The following SCHIP1 variants were observed in gnomAD, a reference collection of about 807,000 sequenced individuals.
SCHIP1 encodes the protein schwannomin-interacting protein 1.
A neutral mutation model predicts 29.7 loss-of-function variants in SCHIP1; 8 were observed. The ratio of observed to expected loss-of-function variants is 0.27; its 90% CI spans 0.16 to 0.49. The LOEUF (loss-of-function observed/expected upper bound fraction) is 0.49, where lower values mean the gene tolerates loss of function less well. Ranked by LOEUF, SCHIP1 falls within the 20% of genes least tolerant of loss-of-function variation. The pLI, the probability that SCHIP1 is intolerant of heterozygous loss-of-function variation, is 0.99. For missense variants in SCHIP1, 193 were observed against 294.6 expected (o/e 0.66, Z 2.52); for synonymous variants, 76 against 94.9 (o/e 0.80, Z 1.16).
chr3:159,547,444 T>A, the SCHIP1 span, among the ~76,000 whole-genome samples: 1 of 152,232 alleles, frequency 6.6e-6, no homozygotes, highest in East Asian at 1.9e-4. Flanking sequence ...CTATTTTGGC[T>A]TTTGTTGTAC....
At chr3:159,837,982 C>A (rs749782259), upstream of SCHIP1, among the ~76,000 whole-genome samples, 171 of 152,304 alleles carry the variant, frequency 1.1e-3, no homozygotes, top group Non-Finnish European at 2.0e-3. Context: ...TGACCCACCC[C>A]TCTCCTGGAC....
chr3:159,757,478 T>C, the SCHIP1 span, among the ~76,000 whole-genome samples: 10 of 152,178 alleles, frequency 6.6e-5, no homozygotes, highest in Non-Finnish European at 1.5e-4. Context: ...AAGATGAGAC[T>C]TGGGTGGGGA....
the SCHIP1 span, among the ~76,000 whole-genome samples, chr3:159,437,439 C>T: frequency 4.6e-5 from 7 of 152,060 alleles, no homozygotes; most frequent in Admixed American, 2.6e-4. Context: ...CCTACGGCTG[C>T]CTCAGGACAT....
chr3:159,667,899 C>T, the SCHIP1 span, among the ~76,000 whole-genome samples: 1 of 152,128 alleles, frequency 6.6e-6, no homozygotes, highest in Non-Finnish European at 1.5e-5. Context: ...CATTATCATA[C>T]CCATTCTATT....
chr3:159,430,838 C>T, the SCHIP1 span, among the ~76,000 whole-genome samples: 1 of 152,012 alleles, frequency 6.6e-6, no homozygotes, highest in Non-Finnish European at 1.5e-5. Context: ...GGCCCACATG[C>T]CCGTCCCCCA....
chr3:159,457,152 T>C, the SCHIP1 span, among the ~76,000 whole-genome samples: 1 of 152,186 alleles, frequency 6.6e-6, no homozygotes, highest in African/African-American at 2.4e-5. Context: ...TGAGAAATTC[T>C]GGATGTGTTT....
At chr3:159,715,607 A>T in the SCHIP1 span, among the ~76,000 whole-genome samples, 1 of 152,242 alleles carries the variant, frequency 6.6e-6, no homozygotes, top group African/African-American at 2.4e-5. Flanking sequence ...TGATGCATGC[A>T]CAAGCTTCAG....
chr3:159,488,939 G>C, the SCHIP1 span, among the ~76,000 whole-genome samples: 2 of 152,190 alleles, frequency 1.3e-5, no homozygotes, highest in Admixed American at 1.3e-4. Flanking sequence ...TGTTGAATAA[G>C]AAGATAACTC....
the SCHIP1 span, among the ~76,000 whole-genome samples, chr3:159,516,590 T>C: frequency 6.6e-6 from 1 of 152,190 alleles, no homozygotes; most frequent in African/African-American, 2.4e-5. Context: ...GCTAGATGGA[T>C]TTCTTAAAAG....
chr3:159,846,767 C>G (rs1711897581), intron 1 of SCHIP1, among the ~76,000 whole-genome samples: 1 of 151,646 alleles, frequency 6.6e-6, no homozygotes, highest in Non-Finnish European at 1.5e-5. Context: ...CATTGTTTTG[C>G]CTGTTTAAAG....
the SCHIP1 span, among the ~76,000 whole-genome samples, chr3:159,783,211 C>G: frequency 6.6e-6 from 1 of 152,142 alleles, no homozygotes; most frequent in Non-Finnish European, 1.5e-5. Flanking sequence ...CAAACAAACA[C>G]CAAGGTTGGT....
the SCHIP1 span, among the ~76,000 whole-genome samples, chr3:159,579,484 G>T: frequency 6.6e-6 from 1 of 152,100 alleles, no homozygotes; most frequent in Non-Finnish European, 1.5e-5. Context: ...GAAGACATTC[G>T]TGAGAGCTGA....
the SCHIP1 span, among the ~76,000 whole-genome samples, chr3:159,482,684 C>G: frequency 1.3e-5 from 2 of 152,124 alleles, no homozygotes; most frequent in African/African-American, 4.8e-5. Flanking sequence ...GAGACATAAA[C>G]AGCCAAACAC....
chr3:159,428,203 A>C, the SCHIP1 span, among the ~76,000 whole-genome samples: 1 of 152,158 alleles, frequency 6.6e-6, no homozygotes, highest in African/African-American at 2.4e-5. Flanking sequence ...ATGGGATCTA[A>C]TTAAACTAAA....
chr3:159,719,356 T>G, the SCHIP1 span, among the ~76,000 whole-genome samples: 519 of 152,230 alleles, frequency 3.4e-3, 5 homozygotes, highest in African/African-American at 0.012. Flanking sequence ...CCAAAAGCAA[T>G]GGCAACAGTA....
exon 3 of SCHIP1, chr3:159,886,247 G>T: frequency 6.2e-7 from 1 of 1,614,154 alleles, no homozygotes; most frequent in South Asian, 1.1e-5. Flanking sequence ...CTTTGTCAAC[G>T]ACAGTGGCAG....
At chr3:159,401,190 A>C in the SCHIP1 span, 1 of 970,168 alleles carries the variant, frequency 1.0e-6, no homozygotes, top group Non-Finnish European at 1.2e-6. Context: ...AATATTACAC[A>C]AATAAATACA....
At chr3:159,651,989 G>C in the SCHIP1 span, among the ~76,000 whole-genome samples, 1 of 152,004 alleles carries the variant, frequency 6.6e-6, no homozygotes, top group Non-Finnish European at 1.5e-5. Flanking sequence ...CCTGCTATTG[G>C]GGAGGCTGAG....
chr3:159,395,474 T>C, the SCHIP1 span, among the ~76,000 whole-genome samples: 7 of 151,730 alleles, frequency 4.6e-5, no homozygotes, highest in Non-Finnish European at 1.5e-5. Context: ...TAAATTTCCC[T>C]CTACACACTG....
Sources: gnomAD v4.1 joint callset for allele counts (sites outside exome capture counted in the v4.1 genomes callset) on GRCh38, gnomAD v4.1.1 for gene constraint, MANE v1.5 for transcripts, NCBI Gene and HGNC (gene_info 2026-07-23, HGNC 2026-07-21) for gene names.